CGAS: variants seen among roughly 807,000 people sequenced by gnomAD.
CGAS encodes the protein cyclic GMP-AMP synthase.
CGAS carries 31 observed loss-of-function variants against 34.0 expected under a neutral mutation model. The observed-to-expected ratio is 0.91, with a 90% CI of 0.69 to 1.23. CGAS has a LOEUF of 1.23. Ranked by LOEUF, CGAS falls within the 50% of genes most tolerant of loss-of-function variation. The pLI is 0.00. For synonymous variants in CGAS, 266 were observed against 260.0 expected, an observed-to-expected ratio of 1.02 and a Z score of -0.22; for missense variants, 597 against 657.6, an observed-to-expected ratio of 0.91 and a Z score of 1.01.
At position 73,451,942 on chromosome 6, in the gene CGAS, G is replaced by A; in HGVS notation, c.240C>T (p.Arg80=). 1 of 1,497,216 alleles carries A rather than the reference G, an allele frequency of 6.7e-7. No individual in the cohort carries two copies. The highest frequency in any genetic ancestry group is 8.9e-7 in the Non-Finnish European group (1 of 1,120,738). 92.7% of individuals were successfully genotyped at this position (1,497,216 alleles called of 1,614,324 possible). Reference sequence around the variant, plus strand: ...GGGCGCGCTGAGGGGCCTTTTTGGCGCGGGCCCCAGTTGCGCGGACGGGCG... The same window carrying A: ...GGGCGCGCTGAGGGGCCTTTTTGGCACGGGCCCCAGTTGCGCGGACGGGCG... The part of the protein sequence containing the change: ...ERPPVRATGA[R]AKKAPQRAQD... The change falls in exon 1 of 5, where the codon CGC becomes CGT. Residue 80 remains arginine (R), a synonymous_variant. Transcript: ENST00000370315.
At chr6:73,441,198 C>G (rs1770374801) in intron 2 of CGAS, among the ~76,000 whole-genome samples, 1 of 151,498 alleles carries the variant, frequency 6.6e-6, no homozygotes. Flanking sequence ...AATTGATCCT[C>G]CTGCCTCAGC....
At chr6:73,450,906 C>A (rs1048954570) in intron 1 of CGAS, among the ~76,000 whole-genome samples, 2 of 149,536 alleles carry the variant, frequency 1.3e-5, no homozygotes, top group Admixed American at 6.8e-5. Context: ...AGGAGAATGG[C>A]GTGAACCCGG....
At chr6:73,451,257 G>A (rs1770560248) in intron 1 of CGAS, among the ~76,000 whole-genome samples, 1 of 152,160 alleles carries the variant, frequency 6.6e-6, no homozygotes, top group South Asian at 2.1e-4. Context: ...ATGTCGGCTT[G>A]CATGAATGAA....
chr6:73,431,849 T>G (rs1222033771), intron 3 of CGAS, among the ~76,000 whole-genome samples: 6 of 152,182 alleles, frequency 3.9e-5, no homozygotes. Context: ...TTTCTTTCAT[T>G]TTTTGAGACA....
intron 3 of CGAS, among the ~76,000 whole-genome samples, chr6:73,429,635 G>C (rs1223253981): frequency 6.6e-6 from 1 of 151,168 alleles, no homozygotes; most frequent in Non-Finnish European, 1.5e-5. Context: ...GACCATCCTG[G>C]CTAACACAGT....
intron 3 of CGAS, among the ~76,000 whole-genome samples, chr6:73,434,076 T>A (rs145335263): frequency 1.3e-5 from 2 of 152,306 alleles, no homozygotes; most frequent in Admixed American, 1.3e-4. Flanking sequence ...TGAGACTAAT[T>A]ATAAAGCTAC....
intron 3 of CGAS, among the ~76,000 whole-genome samples, chr6:73,434,169 G>A (rs373183431): frequency 1.3e-5 from 2 of 152,148 alleles, no homozygotes; most frequent in South Asian, 2.1e-4. Flanking sequence ...TACACAATAC[G>A]GTTGGCCCTC....
At chr6:73,445,110 G>T (rs552502892) in intron 2 of CGAS, among the ~76,000 whole-genome samples, 1 of 152,164 alleles carries the variant, frequency 6.6e-6, no homozygotes, top group South Asian at 2.1e-4. Flanking sequence ...ATATATTTGG[G>T]CTGCAAGTAA....
At chr6:73,428,429 C>A (rs1394542774) in intron 4 of CGAS, among the ~76,000 whole-genome samples, 1 of 151,908 alleles carries the variant, frequency 6.6e-6, no homozygotes, top group Admixed American at 6.6e-5. Context: ...GTGCTCATAC[C>A]CTCTCACTCT....
intron 2 of CGAS, among the ~76,000 whole-genome samples, 184 bp downstream of exon 2, chr6:73,445,344 A>G (rs1770452117): frequency 6.6e-6 from 1 of 151,424 alleles, no homozygotes; most frequent in African/African-American, 2.4e-5. Flanking sequence ...ACCCTTCTGT[A>G]CTTTATAATC....
chr6:73,440,191 C>T lies in CGAS; in HGVS notation c.1114+18G>A, dbSNP rs752110584. ...CAACTCTTTTACTTCTTTAAGTTAA[C>T]TTTAATATTTAAAATACCTTGGAAA... On this transcript the variant is annotated intron_variant, in intron 3 of 4. Coordinates refer to ENST00000370315, the MANE Select transcript of CGAS (RefSeq NM_138441.3). 14 of 1,593,826 alleles carry T rather than the reference C, an allele frequency of 8.8e-6. No homozygotes were observed. Among genetic ancestry groups the T allele is most frequent in the Non-Finnish European group, 1.2e-5 (14 of 1,166,934 alleles).
chr6:73,447,682 A>G (rs1268734310), intron 1 of CGAS, among the ~76,000 whole-genome samples: 1 of 152,048 alleles, frequency 6.6e-6, no homozygotes, highest in African/African-American at 2.4e-5. Flanking sequence ...CAAACTCCTG[A>G]CTTGATGTGA....
chr6:73,432,188 G>A (rs1770205891), intron 3 of CGAS, among the ~76,000 whole-genome samples: 1 of 151,674 alleles, frequency 6.6e-6, no homozygotes, highest in Non-Finnish European at 1.5e-5. Flanking sequence ...TTGAGATTGA[G>A]TCTCGCTCTG....
intron 3 of CGAS, chr6:73,439,952 G>A (rs1770347147): frequency 2.5e-6 from 1 of 395,420 alleles, no homozygotes; most frequent in Non-Finnish European, 4.6e-6. Flanking sequence ...GGCCAATACT[G>A]CTTTTCTTTA....
At chr6:73,427,016 A>C (rs900972418) in intron 4 of CGAS, among the ~76,000 whole-genome samples, 11 of 151,848 alleles carry the variant, frequency 7.2e-5, no homozygotes, top group African/African-American at 2.7e-4. Flanking sequence ...TCGCCCGGCT[A>C]ATTTTTGCAT....
chr6:73,449,739 T>A (rs1344522505), intron 1 of CGAS, among the ~76,000 whole-genome samples: 1 of 152,106 alleles, frequency 6.6e-6, no homozygotes, highest in Non-Finnish European at 1.5e-5. Flanking sequence ...CTCAAGCCTG[T>A]AATCCCAGCA....
chr6:73,443,574 C>T (rs1424762952), intron 2 of CGAS, among the ~76,000 whole-genome samples: 1 of 152,158 alleles, frequency 6.6e-6, no homozygotes, highest in Non-Finnish European at 1.5e-5. Context: ...TCTTACCACT[C>T]TACTTAACAT....
At chr6:73,436,834 G>C (rs1289518163) in intron 3 of CGAS, among the ~76,000 whole-genome samples, 1 of 152,126 alleles carries the variant, frequency 6.6e-6, no homozygotes, top group Non-Finnish European at 1.5e-5. Flanking sequence ...GAGAGAGAGA[G>C]AGAATATATT....
At position 73,445,556 on chromosome 6, in the gene CGAS, GA is replaced by G; in HGVS notation, c.848del (p.Ile283ThrfsTer16). The G allele has an allele frequency of 6.2e-7, 1 of 1,604,774 alleles. No individual in the cohort carries two copies. The highest frequency in any genetic ancestry group is 8.5e-7 in the Non-Finnish European group (1 of 1,177,096). On this transcript the variant is annotated frameshift_variant, in exon 2 of 5. Coordinates refer to ENST00000370315, the MANE Select transcript of CGAS (RefSeq NM_138441.3). LOFTEE classifies it high-confidence loss of function. Reference protein sequence around the residue: ...ASKMLSKFRKIIKEEINDIKD... With the variant: ...ASKMLSKFRKXIKEEINDIKD... ...TAATGTCGTTAATTTCTTCCTTAATGATTTTCCTAAACTTTGACAGCATCTT... is the reference window on the plus strand; with the variant it reads ...TAATGTCGTTAATTTCTTCCTTAATGTTTTCCTAAACTTTGACAGCATCTT...
Sources: gnomAD v4.1 joint callset for allele counts (sites outside exome capture counted in the v4.1 genomes callset) on GRCh38, gnomAD v4.1.1 for gene constraint, MANE v1.5 for transcripts, NCBI Gene and HGNC (gene_info 2026-07-23, HGNC 2026-07-21) for gene names.